GPRIN3: variants seen among roughly 807,000 people sequenced by gnomAD.
The protein encoded by GPRIN3 is GPRIN family member 3, also known as G protein-regulated inducer of neurite outgrowth 3.
GPRIN3 carries 12 observed loss-of-function variants against 13.7 expected under a neutral mutation model. The ratio of observed to expected loss-of-function variants is 0.87; its 90% CI spans 0.56 to 1.42. The LOEUF (loss-of-function observed/expected upper bound fraction) is 1.42, where lower values mean the gene tolerates loss of function less well. Among genes scored for constraint, GPRIN3 ranks in the 40% most tolerant of loss-of-function variants. The pLI is 0.00. For synonymous variants in GPRIN3, 377 were observed against 372.7 expected (o/e 1.01, Z -0.13); for missense variants, 1,009 against 958.7 (o/e 1.05, Z -0.69).
rs1055602495 is a variant in GPRIN3, at chr4:89,245,355, A to C, written c.*2425T>G. On this transcript the variant is annotated 3_prime_UTR_variant, in exon 2 of 2. Coordinates refer to ENST00000609438, the MANE Select transcript of GPRIN3 (RefSeq NM_198281.3). ...AAAGAAAATCAGTTAAACTCAGTACATTAAACAAATTTTCTTAAAGTTTTG... is the reference window on the plus strand; with the variant it reads ...AAAGAAAATCAGTTAAACTCAGTACCTTAAACAAATTTTCTTAAAGTTTTG... The C allele has an allele frequency of 6.6e-6, 1 of 152,244 alleles. No individual in the cohort carries two copies. The highest frequency in any genetic ancestry group is 1.5e-5 in the Non-Finnish European group (1 of 68,036). The allele number at this position is 152,244 out of a possible 1,614,324, so 9.4% of individuals were successfully genotyped here. A position where few individuals can be genotyped will look rare whatever the true frequency, so the allele number is the denominator to read the frequency against.
At chr4:89,268,482 G>A (rs1281732811) in intron 1 of GPRIN3, among the ~76,000 whole-genome samples, 2 of 152,168 alleles carry the variant, frequency 1.3e-5, no homozygotes, top group Non-Finnish European at 2.9e-5. Context: ...GTTTGTGAGT[G>A]GCTATGCCAA....
In GPRIN3 at chr4:89,248,131, T is replaced by C; in HGVS notation, c.1980A>G (p.Pro660=). The change falls in exon 2 of 2, where the codon CCA becomes CCG. Residue 660 remains proline, a synonymous_variant. Transcript: ENST00000609438. ...TAAAAQVGLT[P]GDKKKQLGAD... Reference sequence around the variant, plus strand: ...CGCCAAGCTGCTTTTTCTTATCTCCTGGAGTGAGTCCTACCTGAGCAGCAG... The same window carrying C: ...CGCCAAGCTGCTTTTTCTTATCTCCCGGAGTGAGTCCTACCTGAGCAGCAG... 6.2e-7 allele frequency: 1 copy of C among 1,614,142 alleles called. No individual in the cohort carries two copies. The highest frequency in any genetic ancestry group is 8.5e-7 in the Non-Finnish European group (1 of 1,180,014).
chr4:89,280,996 G>T (rs1724231628), intron 1 of GPRIN3, among the ~76,000 whole-genome samples: 1 of 152,122 alleles, frequency 6.6e-6, no homozygotes, highest in African/African-American at 2.4e-5. Flanking sequence ...GAAGCGTGGT[G>T]CTGGCATCCG....
At position 89,248,746 on chromosome 4, in the gene GPRIN3, G is replaced by C. The variant is rs140402441; in HGVS notation, c.1365C>G (p.Leu455=). ...PVREESTAKK[L]AGTNSSSLKA... is the part of the protein sequence containing the mutation. The stretch of plus-strand genomic sequence containing the variant: ...TCAGGGAGCTAGAATTAGTACCTGC[G>C]AGCTTTTTAGCAGTTGACTCTTCCC... Residue 455 remains leucine (L), a synonymous_variant, in exon 2 of 2, where the codon CTC becomes CTG. Transcript: ENST00000609438. 17 of 1,614,022 alleles carry C rather than the reference G, an allele frequency of 1.1e-5. No homozygotes were observed. In the African/African-American group the frequency reaches 2.1e-4, roughly 20 times the overall value.
At chr4:89,294,524 A>G (rs1290449273) in intron 1 of GPRIN3, among the ~76,000 whole-genome samples, 5 of 152,154 alleles carry the variant, frequency 3.3e-5, no homozygotes, top group African/African-American at 1.2e-4. Context: ...TGAAGATTTT[A>G]TGGTCTTTAA....
At chr4:89,298,258 A>G (rs188867843) in intron 1 of GPRIN3, among the ~76,000 whole-genome samples, 4 of 152,292 alleles carry the variant, frequency 2.6e-5, no homozygotes, top group Admixed American at 6.5e-5. Flanking sequence ...GAACTAAGTC[A>G]AAAATGCATG....
chr4:89,248,088 G>T lies in GPRIN3; in HGVS notation c.2023C>A (p.Leu675Met), dbSNP rs1224857555. 1 of 1,614,150 alleles carries T rather than the reference G, an allele frequency of 6.2e-7. No individual in the cohort carries two copies. The highest frequency in any genetic ancestry group is 8.5e-7 in the Non-Finnish European group (1 of 1,180,002). ...TCCCTGACACGCTTGGACTGTTTCAGCTGGAGCTTGGAGTCTGCGCCAAGC... is the reference window on the plus strand; with the variant it reads ...TCCCTGACACGCTTGGACTGTTTCATCTGGAGCTTGGAGTCTGCGCCAAGC... ...KQLGADSKLQ[L>M]KQSKRVRDVV... is the part of the protein sequence containing the mutation. The change falls in exon 2 of 2, where the codon CTG becomes ATG. Residue 675 changes from leucine to methionine, a missense_variant. Leu to Met is a conservative substitution (Grantham distance 15, BLOSUM62 2). Transcript: ENST00000609438.
chr4:89,278,868 A>G lies in GPRIN3; in HGVS notation c.-123-28635T>C, dbSNP rs368197771. ...AGGATCTGGGGTAGTCACAGAATTG[A>G]GGGGAAACCTATGGAAGCAGGTTCA... On this transcript the variant is annotated intron_variant, in intron 1 of 1. Coordinates refer to ENST00000609438, the MANE Select transcript of GPRIN3 (RefSeq NM_198281.3). Among the ~76,000 whole-genome samples the G allele has an allele frequency of 3.0e-3, 451 of 152,326 alleles. 22 individuals carry two copies. In the South Asian group the frequency reaches 0.088, roughly 30 times the overall value.
intron 1 of GPRIN3, among the ~76,000 whole-genome samples, chr4:89,275,972 G>A (rs1047453510): frequency 1.3e-5 from 2 of 152,094 alleles, no homozygotes; most frequent in Non-Finnish European, 2.9e-5. Flanking sequence ...AGGCCAGGCC[G>A]ATTTAATTTC....
At position 89,295,806 on chromosome 4, in the gene GPRIN3, A is replaced by T. The variant is rs765728575; in HGVS notation, c.-124+11809T>A. On this transcript the variant is annotated intron_variant, in intron 1 of 1. Transcript: ENST00000609438. ...ACTGTGACATTTGTGTACCCATTTC[A>T]TGATTTTAGCCTCATGTGCTTCCTA... is the stretch of plus-strand genomic sequence containing the variant. Among the ~76,000 whole-genome samples the T allele has an allele frequency of 5.3e-5, 8 of 152,196 alleles. No individual in the cohort carries two copies. The East Asian group carries it at 1.4e-3, about 26-fold the overall frequency.
chr4:89,298,000 T>C (rs538408630), intron 1 of GPRIN3, among the ~76,000 whole-genome samples: 2 of 152,302 alleles, frequency 1.3e-5, no homozygotes, highest in South Asian at 4.1e-4. Context: ...CTCTAATGAA[T>C]TATATTAACC....
At chr4:89,289,489 C>T (rs1234804129) in intron 1 of GPRIN3, among the ~76,000 whole-genome samples, 3 of 152,044 alleles carry the variant, frequency 2.0e-5, no homozygotes, top group Non-Finnish European at 2.9e-5. Flanking sequence ...TTCCAAGAGC[C>T]GAGACTCAAA....
chr4:89,247,775 C>T lies in GPRIN3; in HGVS notation c.*5G>A, dbSNP rs1561173785. 1 of 1,598,088 alleles carries T rather than the reference C, an allele frequency of 6.3e-7. No homozygotes were observed. Among genetic ancestry groups the T allele is most frequent in the Admixed American group, 1.7e-5 (1 of 58,912 alleles). On this transcript the variant is annotated 3_prime_UTR_variant, in exon 2 of 2. Transcript: ENST00000609438. ...TTATACACAAACTCCCATAAATACTCCCTTTCAATCTAACACAGAAGACGG... is the reference window on the plus strand; with the variant it reads ...TTATACACAAACTCCCATAAATACTTCCTTTCAATCTAACACAGAAGACGG...
chr4:89,299,460 C>T (rs2110025078), intron 1 of GPRIN3, among the ~76,000 whole-genome samples: 1 of 152,240 alleles, frequency 6.6e-6, no homozygotes, highest in South Asian at 2.1e-4. Flanking sequence ...GCTATGAAGA[C>T]AGCTTTCCCT....
In GPRIN3 at chr4:89,248,666, C is replaced by T. The variant is rs747233823; in HGVS notation, c.1445G>A (p.Ser482Asn). 3.7e-6 allele frequency: 6 copies of T among 1,614,030 alleles called. No homozygotes were observed. In the South Asian group the frequency reaches 6.6e-5, roughly 18 times the overall value. The change falls in exon 2 of 2, where the codon AGT becomes AAT. Residue 482 changes from serine to asparagine, a missense_variant. Ser to Asn is a conservative substitution (Grantham distance 46). Coordinates refer to ENST00000609438, the MANE Select transcript of GPRIN3 (RefSeq NM_198281.3). The stretch of plus-strand genomic sequence containing the variant: ...GGTTTCAAATTTCCCCAATCCATAA[C>T]TTGTTTCAGCTTGACTGCATGCACT... ...SISACSQAETSYGLGKFETRP... is the reference protein window; with the variant it reads ...SISACSQAETNYGLGKFETRP...
rs755271835 is a variant in GPRIN3, at chr4:89,249,013, C to G, written c.1098G>C (p.Gly366=). ...TGTCAGAGAGCTCCAGTGTGTGGCT[C>G]CCACTGCTGTGGCAAATGACACGCA... ...EQLRVICHSS[G]SHTLELSDST... The change falls in exon 2 of 2, where the codon GGG becomes GGC. Residue 366 remains glycine (G), a synonymous_variant. Coordinates refer to ENST00000609438, the MANE Select transcript of GPRIN3 (RefSeq NM_198281.3). 1 of 1,614,172 alleles carries G rather than the reference C, an allele frequency of 6.2e-7. No homozygotes were observed. Among genetic ancestry groups the G allele is most frequent in the Admixed American group, 1.7e-5 (1 of 60,032 alleles).
intron 1 of GPRIN3, among the ~76,000 whole-genome samples, chr4:89,305,420 C>T (rs763019582): frequency 1.2e-4 from 18 of 152,170 alleles, no homozygotes; most frequent in Non-Finnish European, 2.1e-4. Context: ...GTTTATTCTT[C>T]TATTCCACAA....
chr4:89,270,565 T>TTATATA (rs1199230242), intron 1 of GPRIN3, among the ~76,000 whole-genome samples: 3,157 of 81,868 alleles, frequency 0.039, 78 homozygotes, highest in East Asian at 0.057. Context: ...TGTATATAAT[T>TTATATA]TATATATATA....
chr4:89,304,104 C>T (rs539919031), intron 1 of GPRIN3, among the ~76,000 whole-genome samples: 5 of 152,332 alleles, frequency 3.3e-5, no homozygotes, highest in Admixed American at 3.3e-4. Flanking sequence ...CAAGATCCCC[C>T]TCCTCCTTGA....
Sources: allele counts gnomAD v4.1 joint callset (sites outside exome capture counted in the v4.1 genomes callset), GRCh38; gene constraint gnomAD v4.1.1; transcripts MANE v1.5; gene names NCBI Gene and HGNC (gene_info 2026-07-23, HGNC 2026-07-21).